Variants in FRMD4B observed in about 807,000 individuals in gnomAD.
FRMD4B encodes FERM domain containing 4B, also known as FERM domain-containing protein 4B.
Under a neutral mutation model 141.5 loss-of-function variants are expected in FRMD4B, and 74 were observed. The ratio of observed to expected loss-of-function variants is 0.52; its 90% CI spans 0.43 to 0.63. The LOEUF is 0.63. FRMD4B is among the 30% of genes least tolerant of loss of function. The pLI, the probability that FRMD4B is intolerant of heterozygous loss-of-function variation, is 0.00. For missense variants in FRMD4B, 1,366 were observed against 1,253.4 expected (o/e 1.09, Z -1.36); for synonymous variants, 506 against 467.9 (o/e 1.08, Z -1.05).
chr3:69,386,573 GA>G (rs11334759), upstream of FRMD4B, among the ~76,000 whole-genome samples: 97,240 of 150,402 alleles, frequency 0.65, 31,569 homozygotes, highest in East Asian at 0.7. Context: ...GAGAGAGAGA[GA>G]AAAAAAAAAA....
chr3:69,259,418 G>A (rs373924125), intron 5 of FRMD4B, among the ~76,000 whole-genome samples: 7 of 152,302 alleles, frequency 4.6e-5, no homozygotes, highest in African/African-American at 1.7e-4. Flanking sequence ...CCTGTGGCCT[G>A]GGGGTTGGGG....
rs9828152 is a variant in FRMD4B, at chr3:69,227,410, C to G, written c.582-2720G>C. On this transcript the variant is annotated intron_variant, in intron 7 of 22. Coordinates refer to ENST00000398540, the MANE Select transcript of FRMD4B (RefSeq NM_015123.3). ...CGGGTGCAGTGGCTTAGCCTATAAT[C>G]CCAGCGCTTTGGGAGGCCAAGGCAG... Among the ~76,000 whole-genome samples, 1,476 of 152,142 alleles carry G rather than the reference C, an allele frequency of 9.7e-3. 30 individuals carry two copies. Among genetic ancestry groups the G allele is most frequent in the African/African-American group, 0.034 (1,405 of 41,518 alleles).
intron 11 of FRMD4B, among the ~76,000 whole-genome samples, chr3:69,199,922 G>A (rs2092949431): frequency 6.6e-6 from 1 of 152,170 alleles, no homozygotes; most frequent in South Asian, 2.1e-4. Context: ...GGTTTGTCCT[G>A]TCAACTTGGA....
chr3:69,261,500 A>G (rs183126564), intron 5 of FRMD4B, among the ~76,000 whole-genome samples: 329 of 152,322 alleles, frequency 2.2e-3, no homozygotes, highest in African/African-American at 7.6e-3. Context: ...CTAGGCTTAT[A>G]GTAAAATTGT....
At chr3:69,388,597 G>C (rs1212035560), upstream of FRMD4B, among the ~76,000 whole-genome samples, 1 of 152,060 alleles carries the variant, frequency 6.6e-6, no homozygotes, top group Non-Finnish European at 1.5e-5. Context: ...CTCTCCTCAG[G>C]ACCCGTGAGA....
intron 5 of FRMD4B, among the ~76,000 whole-genome samples, chr3:69,284,235 T>C (rs1349347936): frequency 6.6e-6 from 1 of 152,064 alleles, no homozygotes. Flanking sequence ...AAAAGAGAGC[T>C]GCGAAGAGAG....
chr3:69,207,040 C>G (rs111518646), intron 11 of FRMD4B, among the ~76,000 whole-genome samples: 1 of 152,110 alleles, frequency 6.6e-6, no homozygotes, highest in Admixed American at 6.5e-5. Context: ...CAATGGCTCA[C>G]GCTTATAATC....
In FRMD4B at chr3:69,181,203, G is replaced by C. The variant is rs201769029; in HGVS notation, c.2547C>G (p.Arg849=). Residue 849 remains arginine (R), a synonymous_variant, in exon 21 of 23, where the codon CGC becomes CGG. Transcript: ENST00000398540. ...GAAAGGATCTGCTGTAGTCCCTCTG[G>C]CGCTCATATCCATAGTGGGCTGAGG... The part of the protein sequence containing the change: ...YRSSAHYGYE[R]QRDYSRSFHE... 13 of 1,613,986 alleles carry C rather than the reference G, an allele frequency of 8.1e-6. 1 individual carries two copies. In the African/African-American group the frequency reaches 1.3e-4, roughly 17 times the overall value.
At chr3:69,242,817 A>AC (rs1291908026) in intron 7 of FRMD4B, among the ~76,000 whole-genome samples, 1 of 151,532 alleles carries the variant, frequency 6.6e-6, no homozygotes, top group African/African-American at 2.4e-5. Context: ...ACATGGTGAA[A>AC]CCCCGTCTCT....
At chr3:69,464,018 C>G (rs1173237966) in intron 1 of FRMD4B, among the ~76,000 whole-genome samples, 2 of 152,176 alleles carry the variant, frequency 1.3e-5, no homozygotes, top group Non-Finnish European at 2.9e-5. Context: ...AGTGAAGCCT[C>G]ACCTTGATCC....
intron 17 of FRMD4B, among the ~76,000 whole-genome samples, 187 bp from the exon 18 acceptor site, chr3:69,190,139 A>G (rs1252851676): frequency 1.3e-5 from 2 of 152,214 alleles, no homozygotes; most frequent in South Asian, 2.1e-4. Flanking sequence ...AACATTTTAC[A>G]TATTGTACGA....
chr3:69,503,175 C>G (rs1356893283), intron 1 of FRMD4B, among the ~76,000 whole-genome samples: 1 of 152,050 alleles, frequency 6.6e-6, no homozygotes, highest in East Asian at 1.9e-4. Context: ...CCCAGCCATC[C>G]CATTACTGGG....
chr3:69,295,434 G>A (rs9813612), intron 4 of FRMD4B, among the ~76,000 whole-genome samples: 1,727 of 152,246 alleles, frequency 0.011, 36 homozygotes, highest in African/African-American at 0.04. Context: ...CAATCCTCCT[G>A]CCTCAGCCTC....
intron 1 of FRMD4B, chr3:69,334,502 T>C (rs533027946): frequency 6.6e-6 from 1 of 151,060 alleles, no homozygotes; most frequent in South Asian, 2.1e-4. Context: ...AAAAATACAA[T>C]AGTGGGACTG....
In FRMD4B at chr3:69,215,284, C is replaced by CTTTTTTT. The variant is rs577275162; in HGVS notation, c.876+972_876+978dup. 5.1e-4 allele frequency among the ~76,000 whole-genome samples: 23 copies of CTTTTTTT among 45,226 alleles called. 7 individuals carry two copies. The highest frequency in any genetic ancestry group is 1.3e-3 in the Admixed American group (3 of 2,264). The allele number at this position is 45,226 out of a possible 152,430, so 29.7% of individuals were successfully genotyped here. A position where few individuals can be genotyped will look rare whatever the true frequency, so the allele number is the denominator to read the frequency against. Reference sequence around the variant, plus strand: ...TCCAAATCTGATAGATTGTGACCCTCTTTTTTTTTTTTTTTTTTTTTTTTT... The same window carrying CTTTTTTT: ...TCCAAATCTGATAGATTGTGACCCTCTTTTTTTTTTTTTTTTTTTTTTTTTTTTTTTT... On this transcript the variant is annotated intron_variant, in intron 11 of 22. Coordinates refer to ENST00000398540, the MANE Select transcript of FRMD4B (RefSeq NM_015123.3).
At chr3:69,457,827 A>G (rs1449328813) in intron 1 of FRMD4B, among the ~76,000 whole-genome samples, 1 of 152,184 alleles carries the variant, frequency 6.6e-6, no homozygotes, top group East Asian at 1.9e-4. Flanking sequence ...TGACGGTTCT[A>G]GCAATATGGA....
intron 1 of FRMD4B, among the ~76,000 whole-genome samples, chr3:69,477,625 T>A (rs2106967994): frequency 6.6e-6 from 1 of 152,216 alleles, no homozygotes; most frequent in African/African-American, 2.4e-5. Context: ...ATTGAGGATT[T>A]TTGCATCAAT....
Position 69,443,943 on chromosome 3 carries a change from A to G in FRMD4B, c.-128-11182T>C, listed in dbSNP as rs112244632. The stretch of plus-strand genomic sequence containing the variant: ...CTTCCCCAATTACTCCTGTAGATAC[A>G]TCACTATTGTAGAACCCAAGATTGG... On this transcript the variant is annotated intron_variant, in intron 1 of 5. Coordinates refer to the FRMD4B transcript ENST00000459638. Among the ~76,000 whole-genome samples, 71 of 152,326 alleles carry G rather than the reference A, an allele frequency of 4.7e-4. 1 individual carries two copies. The South Asian group carries it at 8.5e-3, about 18-fold the overall frequency.
chr3:69,232,347 T>C (rs751713463), intron 7 of FRMD4B, among the ~76,000 whole-genome samples: 1 of 152,164 alleles, frequency 6.6e-6, no homozygotes, highest in Non-Finnish European at 1.5e-5. Flanking sequence ...GGAATTCAGA[T>C]GTCACAATGA....
Sources: gnomAD v4.1 joint callset for allele counts (sites outside exome capture counted in the v4.1 genomes callset) on GRCh38, gnomAD v4.1.1 for gene constraint, MANE v1.5 for transcripts, NCBI Gene and HGNC (gene_info 2026-07-23, HGNC 2026-07-21) for gene names.